ANKFY1: variants seen among roughly 807,000 people sequenced by gnomAD.
ANKFY1 encodes the protein ankyrin repeat and FYVE domain-containing protein 1.
Under a neutral mutation model 128.3 loss-of-function variants are expected in ANKFY1, and 47 were observed. The ratio of observed to expected loss-of-function variants is 0.37; its 90% CI spans 0.29 to 0.47. The LOEUF (loss-of-function observed/expected upper bound fraction) is 0.47. ANKFY1 is among the 20% of genes least tolerant of loss of function. The pLI, the probability that ANKFY1 is intolerant of heterozygous loss-of-function variation, is 1.00. For synonymous variants in ANKFY1, 553 were observed against 601.6 expected, an observed-to-expected ratio of 0.92 and a Z score of 1.18; for missense variants, 1,222 against 1,510.6, an observed-to-expected ratio of 0.81 and a Z score of 3.17.
In ANKFY1 at chr17:4,173,958, G is replaced by A; in HGVS notation, c.2874C>T (p.Leu958=). 6.2e-7 allele frequency: 1 copy of A among 1,614,174 alleles called. No homozygotes were observed. The change falls in exon 20 of 25, where the codon CTC becomes CTT. Residue 958 remains leucine, a synonymous_variant. Coordinates refer to ENST00000341657, the MANE Select transcript of ANKFY1 (RefSeq NM_001330063.2). ...QQDLPTICSV[L]LENGVDFAAV... ...CAGCAAAGTCCACGCCATTCTCTAG[G>A]AGGACTGAGCAGATGGTGGGCAGGT...
At position 4,179,742 on chromosome 17, in the gene ANKFY1, A is replaced by G; in HGVS notation, c.2376T>C (p.Phe792=). The G allele has an allele frequency of 6.2e-7, 1 of 1,614,182 alleles. No individual in the cohort carries two copies. Among genetic ancestry groups the G allele is most frequent in the Non-Finnish European group, 8.5e-7 (1 of 1,180,038 alleles). The change falls in exon 17 of 25, where the codon TTT becomes TTC. Residue 792 remains phenylalanine (F), a synonymous_variant. Transcript: ENST00000341657. The part of the protein sequence containing the change: ...LEETVQCLLE[F]GANVNAQDAE... The stretch of plus-strand genomic sequence containing the variant: ...ACACCTGTGCGTTCACGTTGGCACC[A>G]AACTCCAGAAGACACTGTACTGTCT...
At chr17:4,222,237 G>A in intron 3 of ANKFY1, 8 of 390,060 alleles carry the variant, frequency 2.1e-5, no homozygotes, top group East Asian at 5.4e-5. Context: ...CGCGGACCCC[G>A]GAGCTGCAGT....
intron 3 of ANKFY1, chr17:4,223,177 TA>T (rs2143114420): frequency 1.2e-6 from 1 of 802,650 alleles, no homozygotes; most frequent in Admixed American, 1.9e-5. Context: ...CTGAAAGTCG[TA>T]AGCTGCAAAG....
chr17:4,203,325 C>T (rs911200489), intron 7 of ANKFY1, among the ~76,000 whole-genome samples: 5 of 152,054 alleles, frequency 3.3e-5, no homozygotes, highest in Admixed American at 3.3e-4. Context: ...TATTACAATC[C>T]GTCCATATAA....
At chr17:4,173,253 T>G in intron 21 of ANKFY1, 101 bp downstream of exon 21, 1 of 1,140,168 alleles carries the variant, frequency 8.8e-7, no homozygotes, top group Non-Finnish European at 1.3e-6. Flanking sequence ...CAGCGGCCGG[T>G]TTTGCAGCTC....
chr17:4,226,889 A>G (rs77085571), intron 3 of ANKFY1, among the ~76,000 whole-genome samples: 4,064 of 152,250 alleles, frequency 0.027, 189 homozygotes, highest in African/African-American at 0.091. Flanking sequence ...TAAATCACCA[A>G]TACCCAAGAA....
Position 4,242,138 on chromosome 17 carries a change from C to T in ANKFY1, c.203+118G>A, listed in dbSNP as rs1480696384. On this transcript the variant is annotated intron_variant, in intron 2 of 24. Transcript: ENST00000341657. ...TCAAGGAGCTTCTATTCTAGGGAATCGATTTGCTAATATCCTCATTAGAGA... is the reference window on the plus strand; with the variant it reads ...TCAAGGAGCTTCTATTCTAGGGAATTGATTTGCTAATATCCTCATTAGAGA... The T allele has an allele frequency of 9.5e-6, 10 of 1,053,914 alleles. 1 individual carries two copies. Among genetic ancestry groups the T allele is most frequent in the South Asian group, 9.4e-5 (4 of 42,728 alleles). The allele number at this position is 1,053,914 out of a possible 1,614,324, so 65.3% of individuals were successfully genotyped here. A position where few individuals can be genotyped will look rare whatever the true frequency, so the allele number is the denominator to read the frequency against.
chr17:4,230,986 C>T (rs552418611), intron 3 of ANKFY1, among the ~76,000 whole-genome samples: 46 of 152,202 alleles, frequency 3.0e-4, no homozygotes, highest in African/African-American at 1.0e-3. Context: ...CCAATTTTAC[C>T]AGTAATACCC....
chr17:4,181,017 G>A lies in ANKFY1; in HGVS notation c.2240+237C>T. On this transcript the variant is annotated intron_variant, in intron 16 of 24. Coordinates refer to ENST00000341657, the MANE Select transcript of ANKFY1 (RefSeq NM_001330063.2). The surrounding 1 kb of genome is among the most constrained non-coding windows in gnomAD (Gnocchi z 4.9). ...AGGAGCTCAGGCAGCTCCCAAAGCA[G>A]GACGCTGACTCCAGCTTTCAGATTC... 1 of 477,004 alleles carries A rather than the reference G, an allele frequency of 2.1e-6. No individual in the cohort carries two copies. The highest frequency in any genetic ancestry group is 3.8e-6 in the Non-Finnish European group (1 of 260,384). 29.5% of individuals were successfully genotyped at this position (477,004 alleles called of 1,614,324 possible).
At chr17:4,223,749 T>C in intron 3 of ANKFY1, 1 of 1,573,142 alleles carries the variant, frequency 6.4e-7, no homozygotes, top group Non-Finnish European at 8.7e-7. Flanking sequence ...TGCTGGGCCT[T>C]AGATCCGGGG....
At chr17:4,193,639 T>C (rs1165504943) in intron 10 of ANKFY1, among the ~76,000 whole-genome samples, 1 of 152,092 alleles carries the variant, frequency 6.6e-6, no homozygotes, top group South Asian at 2.1e-4. Flanking sequence ...TTGGCCAGGA[T>C]GGTCTCGAAC....
At chr17:4,205,971 T>G (rs900308289) in intron 7 of ANKFY1, among the ~76,000 whole-genome samples, 1 of 152,234 alleles carries the variant, frequency 6.6e-6, no homozygotes, top group Non-Finnish European at 1.5e-5. Flanking sequence ...GTATCTGTGG[T>G]AGAATACAAA....
chr17:4,239,684 G>A (rs939043605), intron 2 of ANKFY1, among the ~76,000 whole-genome samples: 1 of 152,004 alleles, frequency 6.6e-6, no homozygotes, highest in Non-Finnish European at 1.5e-5. Flanking sequence ...GATTACAGGC[G>A]CGTGCCACCA....
At chr17:4,242,549 G>A (rs1967300160) in intron 1 of ANKFY1, 101 bp from the exon 2 acceptor site, 1 of 1,049,088 alleles carries the variant, frequency 9.5e-7, no homozygotes, top group Non-Finnish European at 1.3e-6. Flanking sequence ...CAAAGTGACT[G>A]GCCACTTGAC....
intron 1 of ANKFY1, among the ~76,000 whole-genome samples, chr17:4,254,583 A>G (rs1968016544): frequency 6.6e-6 from 1 of 152,210 alleles, no homozygotes; most frequent in Non-Finnish European, 1.5e-5. Flanking sequence ...GTCATCCAGA[A>G]TCATAAGAAC....
In ANKFY1 at chr17:4,223,627, G is replaced by A. The variant is rs1402949795; in HGVS notation, c.323-6509C>T. Reference sequence around the variant, plus strand: ...TGTGGGAACTCATGACTCTGGGCCAGACGCCCTACATGGACACTGACCCCT... The same window carrying A: ...TGTGGGAACTCATGACTCTGGGCCAAACGCCCTACATGGACACTGACCCCT... On this transcript the variant is annotated intron_variant, in intron 3 of 24. Transcript: ENST00000341657. 4 of 1,494,188 alleles carry A rather than the reference G, an allele frequency of 2.7e-6. No individual in the cohort carries two copies. In the East Asian group the frequency reaches 6.8e-5, roughly 25 times the overall value. 92.6% of individuals were successfully genotyped at this position (1,494,188 alleles called of 1,614,324 possible). A position where few individuals can be genotyped will look rare whatever the true frequency, so the allele number is the denominator to read the frequency against.
Position 4,169,998 on chromosome 17 carries a change from G to A in ANKFY1, c.3287-710C>T, listed in dbSNP as rs749865586. Among the ~76,000 whole-genome samples the A allele has an allele frequency of 6.6e-6, 1 of 152,154 alleles. No individual in the cohort carries two copies. The highest frequency in any genetic ancestry group is 2.1e-4 in the South Asian group (1 of 4,826). ...TGAGTAATGGGATGTGTGTGCTGCC[G>A]GCCCTGTGATGGGCACCGGTGCTGA... On this transcript the variant is annotated intron_variant, in intron 23 of 24. Coordinates refer to ENST00000341657, the MANE Select transcript of ANKFY1 (RefSeq NM_001330063.2). This position sits in a 1 kb window ranked among gnomAD's most constrained non-coding sequence, Gnocchi z 5.0.
intron 3 of ANKFY1, among the ~76,000 whole-genome samples, chr17:4,234,498 A>C (rs1460831473): frequency 6.6e-6 from 1 of 151,862 alleles, no homozygotes; most frequent in Non-Finnish European, 1.5e-5. Flanking sequence ...CAATGTAGCT[A>C]TTAATTTTTT....
chr17:4,206,838 G>C (rs572040668), intron 6 of ANKFY1, among the ~76,000 whole-genome samples: 1 of 152,266 alleles, frequency 6.6e-6, no homozygotes, highest in East Asian at 1.9e-4. Flanking sequence ...GAAAGGCAGT[G>C]GCGTTCCTAT....
Sources: gnomAD v4.1 joint callset for allele counts (sites outside exome capture counted in the v4.1 genomes callset) on GRCh38, gnomAD v4.1.1 for gene constraint, Gnocchi (gnomAD v3.1) non-coding constraint, MANE v1.5 for transcripts, NCBI Gene and HGNC (gene_info 2026-07-23, HGNC 2026-07-21) for gene names.